Variants in UMAD1 observed in about 807,000 individuals in gnomAD.
UMAD1 encodes UBAP1-MVB12-associated (UMA)-domain containing protein 1.
A neutral mutation model predicts 6.1 loss-of-function variants in UMAD1; 8 were observed. The observed-to-expected ratio is 1.30, with a 90% CI of 0.76 to 2.35. The LOEUF is 2.35. Ranked by LOEUF, UMAD1 falls within the 30% of genes most tolerant of loss-of-function variation. The pLI, the probability that UMAD1 is intolerant of heterozygous loss-of-function variation, is 0.00. For missense variants in UMAD1, 130 were observed against 78.4 expected (o/e 1.66, Z -2.49); for synonymous variants, 56 against 31.4 (o/e 1.78, Z -2.61).
chr7:7,866,254 A>G (rs1483262017), intron 3 of UMAD1, among the ~76,000 whole-genome samples: 2 of 152,158 alleles, frequency 1.3e-5, no homozygotes, highest in African/African-American at 4.8e-5. Flanking sequence ...TGAGCCCCAC[A>G]TTGTGCTGGC....
At chr7:7,825,175 A>C (rs947739659) in intron 3 of UMAD1, among the ~76,000 whole-genome samples, 1 of 152,142 alleles carries the variant, frequency 6.6e-6, no homozygotes, top group Non-Finnish European at 1.5e-5. Context: ...ATCTTCCTAC[A>C]GGAAAACTTT....
intron 2 of UMAD1, chr7:7,738,995 C>G (rs937435626): frequency 1.3e-5 from 2 of 152,162 alleles, no homozygotes; most frequent in African/African-American, 4.8e-5. Context: ...CTTGAAAGAA[C>G]AGGGAGAAAT....
intron 2 of UMAD1, among the ~76,000 whole-genome samples, chr7:7,777,421 G>T (rs1356908966): frequency 1.3e-5 from 2 of 149,520 alleles, no homozygotes; most frequent in Non-Finnish European, 3.0e-5. Context: ...CAGGAGAATC[G>T]CCTGAACCCG....
chr7:7,691,594 G>T lies in UMAD1; in HGVS notation c.82+18141G>T, dbSNP rs568339512. Among the ~76,000 whole-genome samples the T allele has an allele frequency of 6.4e-4, 97 of 152,332 alleles. 1 individual carries two copies. The highest frequency in any genetic ancestry group is 8.1e-4 in the Non-Finnish European group (55 of 68,032). ...TTTCTTTCTCATCTTACGCATTTCA[G>T]ATCATTTTGCTGGGGCATAGATTCT... On this transcript the variant is annotated intron_variant, in intron 2 of 3. Transcript: ENST00000682710.
At chr7:7,797,575 C>A (rs761747172) in intron 2 of UMAD1, among the ~76,000 whole-genome samples, 12 of 152,158 alleles carry the variant, frequency 7.9e-5, no homozygotes, top group Non-Finnish European at 1.8e-4. Flanking sequence ...ACATAGTGCT[C>A]ACTCTTCAGC....
chr7:7,804,981 A>C (rs1158671377), intron 3 of UMAD1, among the ~76,000 whole-genome samples: 1 of 75,448 alleles, frequency 1.3e-5, no homozygotes, highest in East Asian at 3.6e-4. Context: ...ACTCCTTCTC[A>C]AGAAAACAAA....
chr7:7,868,026 C>T (rs1268740809), intron 3 of UMAD1, among the ~76,000 whole-genome samples: 1 of 151,646 alleles, frequency 6.6e-6, no homozygotes, highest in Non-Finnish European at 1.5e-5. Flanking sequence ...GGCCCACCTG[C>T]CAGCAGCGAG....
At chr7:7,734,495 T>G (rs1404447661) in intron 2 of UMAD1, among the ~76,000 whole-genome samples, 1 of 152,180 alleles carries the variant, frequency 6.6e-6, no homozygotes, top group Non-Finnish European at 1.5e-5. Flanking sequence ...GTGCTTTTAC[T>G]TTCAGAGCTA....
intron 2 of UMAD1, among the ~76,000 whole-genome samples, chr7:7,796,577 A>G (rs752456975): frequency 4.6e-5 from 7 of 152,116 alleles, no homozygotes; most frequent in Non-Finnish European, 8.8e-5. Context: ...ACCAAAATTT[A>G]TGTAACACCA....
chr7:7,774,129 C>G (rs1782155073), intron 2 of UMAD1, among the ~76,000 whole-genome samples: 1 of 152,272 alleles, frequency 6.6e-6, no homozygotes, highest in African/African-American at 2.4e-5. Flanking sequence ...ATCTTCTTCC[C>G]CTTTCTCTGA....
chr7:7,703,033 C>T (rs1223035943), intron 2 of UMAD1, among the ~76,000 whole-genome samples: 1 of 152,220 alleles, frequency 6.6e-6, no homozygotes, highest in African/African-American at 2.4e-5. Flanking sequence ...AGAATGCCTT[C>T]AGCTAGTCTT....
chr7:7,684,363 G>C (rs928733804), intron 2 of UMAD1, among the ~76,000 whole-genome samples: 2 of 151,404 alleles, frequency 1.3e-5, no homozygotes, highest in African/African-American at 2.4e-5. Flanking sequence ...CACCATTCCC[G>C]GCTAATTTTT....
intron 1 of UMAD1, among the ~76,000 whole-genome samples, chr7:7,668,890 A>G (rs1020137344): frequency 1.3e-5 from 2 of 152,008 alleles, no homozygotes; most frequent in African/African-American, 2.4e-5. Context: ...ACAGGAAACC[A>G]CTCTATTGCA....
intron 2 of UMAD1, among the ~76,000 whole-genome samples, chr7:7,789,070 G>A (rs10230052): frequency 0.042 from 6,380 of 152,210 alleles, 469 homozygotes; most frequent in African/African-American, 0.15. Flanking sequence ...CAGTACTGGT[G>A]ATATACATAC....
chr7:7,644,142 G>GT (rs1263505183), intron 1 of UMAD1, among the ~76,000 whole-genome samples: 4 of 152,026 alleles, frequency 2.6e-5, no homozygotes, highest in African/African-American at 4.8e-5. Context: ...GATATGAAGT[G>GT]TTTTTTTGTC....
At chr7:7,694,931 G>T (rs1311282011) in intron 2 of UMAD1, among the ~76,000 whole-genome samples, 2 of 152,142 alleles carry the variant, frequency 1.3e-5, no homozygotes, top group African/African-American at 4.8e-5. Flanking sequence ...TCATACGGTA[G>T]TTCTATTTTT....
intron 2 of UMAD1, among the ~76,000 whole-genome samples, chr7:7,682,108 C>G (rs938347279): frequency 1.2e-4 from 18 of 152,076 alleles, no homozygotes; most frequent in African/African-American, 3.4e-4. Flanking sequence ...AATTGGGTTA[C>G]AGTACAAGGG....
intron 3 of UMAD1, among the ~76,000 whole-genome samples, chr7:7,848,633 G>A (rs977811795): frequency 2.6e-5 from 4 of 152,124 alleles, no homozygotes; most frequent in African/African-American, 9.7e-5. Context: ...TAAAGGAAGG[G>A]AAAGGGAGAG....
At chr7:7,847,592 G>T (rs931427678) in intron 3 of UMAD1, among the ~76,000 whole-genome samples, 1 of 151,826 alleles carries the variant, frequency 6.6e-6, no homozygotes, top group Non-Finnish European at 1.5e-5. Flanking sequence ...TCATTTCATT[G>T]CATGTTACTC....
Sources: allele counts gnomAD v4.1 joint callset (sites outside exome capture counted in the v4.1 genomes callset), GRCh38; gene constraint gnomAD v4.1.1; transcripts MANE v1.5; gene names NCBI Gene and HGNC (gene_info 2026-07-23, HGNC 2026-07-21).